TRMU: variants seen among roughly 807,000 people sequenced by gnomAD.
The protein encoded by TRMU is tRNA mitochondrial 2-thiouridylase, also known as mitochondrial tRNA-specific 2-thiouridylase 1.
Under a neutral mutation model 46.9 loss-of-function variants are expected in TRMU, and 49 were observed. The ratio of observed to expected loss-of-function variants is 1.05; its 90% CI spans 0.83 to 1.33. TRMU has a LOEUF of 1.33. Among genes scored for constraint, TRMU ranks in the 40% most tolerant of loss-of-function variants. The pLI is 0.00. For missense variants in TRMU, 572 were observed against 532.4 expected, an observed-to-expected ratio of 1.07 and a Z score of -0.73; for synonymous variants, 241 against 200.9, an observed-to-expected ratio of 1.20 and a Z score of -1.69.
Position 46,350,848 on chromosome 22 carries a change from G to A in TRMU, c.651+385G>A, listed in dbSNP as rs1267043829. On this transcript the variant is annotated intron_variant, in intron 5 of 10. Coordinates refer to ENST00000645190, the MANE Select transcript of TRMU (RefSeq NM_018006.5). The surrounding 1 kb of genome is among the most constrained non-coding windows in gnomAD (Gnocchi z 4.6). ...CGCCGTCTGCACACTCATGTGCCCT[G>A]TCACCCGCTTGCCCGGCACAGACTC... Among the ~76,000 whole-genome samples, 2 of 152,198 alleles carry A rather than the reference G, an allele frequency of 1.3e-5. No homozygotes were observed. Among genetic ancestry groups the A allele is most frequent in the African/African-American group, 4.8e-5 (2 of 41,436 alleles).
chr22:46,353,463 C>A (rs1569084392), intron 7 of TRMU: 1 of 375,230 alleles, frequency 2.7e-6, no homozygotes, highest in East Asian at 6.1e-5. Context: ...CACAGGGCAC[C>A]CAGCCGCATC....
intron 10 of TRMU, 62 bp from the exon 11 acceptor site, chr22:46,356,780 C>T: frequency 6.3e-7 from 1 of 1,597,318 alleles, no homozygotes; most frequent in African/African-American, 1.3e-5. Flanking sequence ...GAGCACTCTG[C>T]CCCTGCCTGC....
chr22:46,353,653 C>A (rs2078504362), intron 7 of TRMU, 114 bp from the exon 8 acceptor site: 1 of 924,156 alleles, frequency 1.1e-6, no homozygotes, highest in African/African-American at 1.6e-5. Context: ...TAGTGAGTTA[C>A]ACCATTGCTG....
intron 10 of TRMU, 72 bp from the exon 11 acceptor site, chr22:46,356,770 G>A: frequency 1.3e-6 from 2 of 1,581,590 alleles, no homozygotes; most frequent in Non-Finnish European, 1.7e-6. Context: ...CCCCATAGGG[G>A]AGCACTCTGC....
Position 46,348,220 on chromosome 22 carries a change from G to A in TRMU, c.478+1676G>A, listed in dbSNP as rs750462309. 5.9e-5 allele frequency among the ~76,000 whole-genome samples: 9 copies of A among 152,162 alleles called. No homozygotes were observed. The highest frequency in any genetic ancestry group is 1.9e-4 in the East Asian group (1 of 5,204). ...GTTAATTTCCATGTTGAATAGATGC[G>A]CCTGCTTACCTCCTAGAACATTACC... is the stretch of plus-strand genomic sequence containing the variant. On this transcript the variant is annotated intron_variant, in intron 4 of 10. Transcript: ENST00000645190. This position sits in a 1 kb window ranked among gnomAD's most constrained non-coding sequence, Gnocchi z 4.8.
chr22:46,335,775 T>C lies in TRMU; in HGVS notation c.11T>C (p.Leu4Ser), dbSNP rs1353951169. 6 of 1,552,928 alleles carry C rather than the reference T, an allele frequency of 3.9e-6. No homozygotes were observed. The highest frequency in any genetic ancestry group is 5.2e-6 in the Non-Finnish European group (6 of 1,153,244). Residue 4 changes from leucine (L) to serine (S), a missense_variant, in exon 1 of 11, where the codon TTG becomes TCG. Leu to Ser is a moderately radical substitution (Grantham distance 145, BLOSUM62 -2). Transcript: ENST00000645190. The part of the protein sequence containing the change: MQA[L>S]RHVVCALSGG... ...TTGGGCGACTGGCGGATGCAGGCCT[T>C]GCGGCACGTCGTGTGCGCCCTGTCC...
At chr22:46,356,751 C>T in intron 10 of TRMU, 91 bp from the exon 11 acceptor site, 14 of 1,494,080 alleles carry the variant, frequency 9.4e-6, no homozygotes, top group Non-Finnish European at 1.3e-5. Flanking sequence ...GCTCCGAGCA[C>T]AGGCCAGGCC....
intron 3 of TRMU, 23 bp downstream of exon 3, chr22:46,343,391 A>ATT: frequency 2.8e-5 from 36 of 1,286,018 alleles, no homozygotes; most frequent in Non-Finnish European, 3.4e-5. Context: ...GGTTTAAAAC[A>ATT]TTTTTTTTTT....
In TRMU at chr22:46,343,354, C is replaced by T. The variant is rs758266726; in HGVS notation, c.341C>T (p.Ala114Val). ...HIKFSCFFHYAVDNLGADAIA... is the reference protein window; with the variant it reads ...HIKFSCFFHYVVDNLGADAIA... ...AAATTTAGTTGCTTTTTTCATTATG[C>T]TGTGGATAATCTTGGTAAGTAATTT... is the stretch of plus-strand genomic sequence containing the variant. Residue 114 changes from alanine to valine, a missense_variant, in exon 3 of 11, where the codon GCT (alanine) becomes GTT (valine). Physicochemically the swap from Ala to Val is moderately conservative, Grantham distance 64 (BLOSUM62 0). Coordinates refer to ENST00000645190, the MANE Select transcript of TRMU (RefSeq NM_018006.5). 1 of 1,613,260 alleles carries T rather than the reference C, an allele frequency of 6.2e-7. No individual in the cohort carries two copies. The highest frequency in any genetic ancestry group is 1.7e-5 in the Admixed American group (1 of 60,002).
Position 46,338,076 on chromosome 22 carries a change from T to TTCA in TRMU, c.248+132_248+133insTCA. On this transcript the variant is annotated intron_variant, in intron 2 of 10. Coordinates refer to ENST00000645190, the MANE Select transcript of TRMU (RefSeq NM_018006.5). This position sits in a 1 kb window ranked among gnomAD's most constrained non-coding sequence, Gnocchi z 4.5. ...CTCCCTCCACGGTGGTGCTGAAGAC[T>TTCA]GCAAGAGGCCTCAGCCACCCTCGGG... is the stretch of plus-strand genomic sequence containing the variant. 1 of 1,325,810 alleles carries TTCA rather than the reference T, an allele frequency of 7.5e-7. No homozygotes were observed. The highest frequency in any genetic ancestry group is 1.1e-6 in the Non-Finnish European group (1 of 930,172). The allele number at this position is 1,325,810 out of a possible 1,614,324, so 82.1% of individuals were successfully genotyped here.
Position 46,351,810 on chromosome 22 carries a change from A to G in TRMU, c.652-311A>G. The G allele has an allele frequency of 4.3e-6, 2 of 464,728 alleles. No individual in the cohort carries two copies. The highest frequency in any genetic ancestry group is 2.1e-5 in the South Asian group (1 of 48,588). The allele number at this position is 464,728 out of a possible 1,614,324, so 28.8% of individuals were successfully genotyped here. On this transcript the variant is annotated intron_variant, in intron 5 of 10. Coordinates refer to ENST00000645190, the MANE Select transcript of TRMU (RefSeq NM_018006.5). This position sits in a 1 kb window ranked among gnomAD's most constrained non-coding sequence, Gnocchi z 6.4. ...CTTCTCTGGTCCCTGTCTCTCCCCC[A>G]CTCCTCGCAGGACAGTGGCCTGAAG...
At chr22:46,344,477 A>G (rs1288665538) in intron 3 of TRMU, among the ~76,000 whole-genome samples, 1 of 152,222 alleles carries the variant, frequency 6.6e-6, no homozygotes, top group Non-Finnish European at 1.5e-5. Context: ...GCAGTGGTCA[A>G]GCGTGTGAGT....
At chr22:46,341,876 A>G (rs2078131609) in intron 2 of TRMU, among the ~76,000 whole-genome samples, 1 of 152,196 alleles carries the variant, frequency 6.6e-6, no homozygotes, top group Admixed American at 6.5e-5. Flanking sequence ...TATTTTTGGT[A>G]TATTTGCCCA....
Position 46,349,835 on chromosome 22 carries a change from A to G in TRMU, c.479-456A>G, listed in dbSNP as rs2078359920. Reference sequence around the variant, plus strand: ...GCTGGCCGCCGGGCAGTGAACCTGGAAAGTGTAGAGTCCTTGAAACCACTG... The same window carrying G: ...GCTGGCCGCCGGGCAGTGAACCTGGGAAGTGTAGAGTCCTTGAAACCACTG... On this transcript the variant is annotated intron_variant, in intron 4 of 10. Coordinates refer to ENST00000645190, the MANE Select transcript of TRMU (RefSeq NM_018006.5). The surrounding 1 kb of genome is among the most constrained non-coding windows in gnomAD (Gnocchi z 4.6). Among the ~76,000 whole-genome samples the G allele has an allele frequency of 6.6e-6, 1 of 152,248 alleles. No individual in the cohort carries two copies. The highest frequency in any genetic ancestry group is 1.5e-5 in the Non-Finnish European group (1 of 68,042).
Position 46,347,189 on chromosome 22 carries a change from G to T in TRMU, c.478+645G>T, listed in dbSNP as rs568158771. ...AAGTGGGGCTCAGAGCCGTGTTTCCGCACGGAGCGTCCGTCCATCAGTGGG... is the reference window on the plus strand; with the variant it reads ...AAGTGGGGCTCAGAGCCGTGTTTCCTCACGGAGCGTCCGTCCATCAGTGGG... On this transcript the variant is annotated intron_variant, in intron 4 of 10. Coordinates refer to ENST00000645190, the MANE Select transcript of TRMU (RefSeq NM_018006.5). This position sits in a 1 kb window ranked among gnomAD's most constrained non-coding sequence, Gnocchi z 5.0. 1.3e-5 allele frequency among the ~76,000 whole-genome samples: 2 copies of T among 151,906 alleles called. No individual in the cohort carries two copies. The highest frequency in any genetic ancestry group is 4.8e-5 in the African/African-American group (2 of 41,294).
chr22:46,353,954 A>AG, intron 8 of TRMU, 87 bp downstream of exon 8: 1 of 1,282,300 alleles, frequency 7.8e-7, no homozygotes, highest in Non-Finnish European at 1.1e-6. Context: ...GAAGGCCTCC[A>AG]GCAGCCGTGG....
rs2078437760 is a variant in TRMU, at chr22:46,351,901, AC to A, written c.652-216del. 3.0e-6 allele frequency: 2 copies of A among 669,406 alleles called. No individual in the cohort carries two copies. Among genetic ancestry groups the A allele is most frequent in the African/African-American group, 3.6e-5 (2 of 55,714 alleles). The allele number at this position is 669,406 out of a possible 1,614,324, so 41.5% of individuals were successfully genotyped here. Reference sequence around the variant, plus strand: ...GTGAGGGTCTCCCGCGCAGGGTCAGACCCCGCGGGCCGAGACAATGAGGCGT... The same window carrying A: ...GTGAGGGTCTCCCGCGCAGGGTCAGACCCGCGGGCCGAGACAATGAGGCGT... On this transcript the variant is annotated intron_variant, in intron 5 of 10. Transcript: ENST00000645190. The surrounding 1 kb of genome is among the most constrained non-coding windows in gnomAD (Gnocchi z 6.4).
rs1308170784 is a variant in TRMU, at chr22:46,337,855, CT to C, written c.160del (p.Cys54ValfsTer11). ...ATGGGGTCTGTACTGCCGACAAAGA[CT>C]GTGAAGATGCTTACAGAGTTTGCCA... ...EHGVCTADKD[C>X]EDAYRVCQIL... On this transcript the variant is annotated frameshift_variant, in exon 2 of 11. Coordinates refer to ENST00000645190, the MANE Select transcript of TRMU (RefSeq NM_018006.5). LOFTEE classifies it high-confidence loss of function. The C allele has an allele frequency of 6.2e-7, 1 of 1,614,250 alleles. No homozygotes were observed. Among genetic ancestry groups the C allele is most frequent in the Admixed American group, 1.7e-5 (1 of 60,030 alleles).
chr22:46,337,043 A>T (rs1313518185), intron 1 of TRMU, among the ~76,000 whole-genome samples: 2 of 152,196 alleles, frequency 1.3e-5, no homozygotes, highest in Non-Finnish European at 2.9e-5. Flanking sequence ...GGTAGACATT[A>T]GTCTGGTTGA....
Sources: gnomAD v4.1 joint callset for allele counts (sites outside exome capture counted in the v4.1 genomes callset) on GRCh38, gnomAD v4.1.1 for gene constraint, Gnocchi (gnomAD v3.1) non-coding constraint, MANE v1.5 for transcripts, NCBI Gene and HGNC (gene_info 2026-07-23, HGNC 2026-07-21) for gene names.